Variants in MITF observed in about 807,000 individuals in gnomAD.
MITF encodes the protein melanocyte inducing transcription factor.
MITF carries 17 observed loss-of-function variants against 60.5 expected under a neutral mutation model. The ratio of observed to expected loss-of-function variants is 0.28; its 90% CI spans 0.19 to 0.42. The LOEUF is 0.42. Ranked by LOEUF, MITF falls within the 10% of genes least tolerant of loss-of-function variation. MITF has a pLI of 1.00. For synonymous variants in MITF, 260 were observed against 248.5 expected (o/e 1.05, Z -0.43); for missense variants, 622 against 683.5 (o/e 0.91, Z 1.00).
At chr3:69,963,970 CTTTTTTTTTT>C (rs56921812) in intron 9 of MITF, among the ~76,000 whole-genome samples, 1 of 86,112 alleles carries the variant, frequency 1.2e-5, no homozygotes, top group South Asian at 4.4e-4. Flanking sequence ...TTTTTCTTTT[CTTTTTTTTTT>C]TTTTTTTTTT....
In MITF at chr3:69,831,506, A is replaced by T. The variant is rs137882207; in HGVS notation, c.105-47628A>T. ...TTTTGCAATTTTTTTGTTTGACTAG[A>T]TAGCAGTAGGTAACTAATCTGGGTC... On this transcript the variant is annotated intron_variant, in intron 1 of 9. Coordinates refer to ENST00000352241, the MANE Select transcript of MITF (RefSeq NM_001354604.2). Among the ~76,000 whole-genome samples, 490 of 152,298 alleles carry T rather than the reference A, an allele frequency of 3.2e-3. 1 individual carries two copies. The highest frequency in any genetic ancestry group is 0.011 in the African/African-American group (450 of 41,564).
At chr3:69,934,283 C>T (rs1380986838) in intron 2 of MITF, among the ~76,000 whole-genome samples, 7 of 152,118 alleles carry the variant, frequency 4.6e-5, no homozygotes, top group Non-Finnish European at 7.4e-5. Context: ...TAGAGTTTTC[C>T]GAAGGCTACA....
intron 2 of MITF, among the ~76,000 whole-genome samples, chr3:69,905,598 C>A (rs1309111850): frequency 2.0e-5 from 3 of 152,096 alleles, no homozygotes; most frequent in Non-Finnish European, 4.4e-5. Flanking sequence ...ATATTCTCAC[C>A]AGCAATGTAT....
At position 69,741,716 on chromosome 3, in the gene MITF, A is replaced by G. The variant is rs903227815; in HGVS notation, c.104+2015A>G. 6.6e-5 allele frequency among the ~76,000 whole-genome samples: 10 copies of G among 152,348 alleles called. No homozygotes were observed. In the East Asian group the frequency reaches 1.7e-3, roughly 26 times the overall value. On this transcript the variant is annotated intron_variant, in intron 1 of 9. Coordinates refer to ENST00000352241, the MANE Select transcript of MITF (RefSeq NM_001354604.2). ...TAAAACTTGTATATGGAGCACACAC[A>G]TGCTCTTTGAAATAAACCAGTTAAA...
At chr3:69,750,337 A>T (rs535933428) in intron 1 of MITF, among the ~76,000 whole-genome samples, 2 of 150,838 alleles carry the variant, frequency 1.3e-5, no homozygotes, top group Admixed American at 1.3e-4. Context: ...CACAACAGTA[A>T]TATAGATCTG....
intron 2 of MITF, among the ~76,000 whole-genome samples, chr3:69,922,833 CAAAG>C (rs1028293440): frequency 2.0e-5 from 3 of 151,892 alleles, no homozygotes; most frequent in Admixed American, 6.6e-5. Flanking sequence ...ATCCTTCTCA[CAAAG>C]AAAGAAAGAA....
At chr3:69,804,984 G>A (rs1269803964) in intron 1 of MITF, among the ~76,000 whole-genome samples, 1 of 152,212 alleles carries the variant, frequency 6.6e-6, no homozygotes, top group African/African-American at 2.4e-5. Flanking sequence ...TCTGAATCTA[G>A]TTTTTAAATA....
At chr3:69,826,206 C>A (rs538996390) in intron 1 of MITF, among the ~76,000 whole-genome samples, 1 of 152,314 alleles carries the variant, frequency 6.6e-6, no homozygotes, top group South Asian at 2.1e-4. Context: ...CTTTTATTCA[C>A]TACCCCTCCC....
chr3:69,849,810 A>T (rs2063795083), intron 1 of MITF, among the ~76,000 whole-genome samples: 1 of 152,100 alleles, frequency 6.6e-6, no homozygotes, highest in South Asian at 2.1e-4. Flanking sequence ...GTACCTCACC[A>T]TTGAAGGTCC....
chr3:69,751,355 C>G (rs1703927288), intron 1 of MITF, among the ~76,000 whole-genome samples: 1 of 152,106 alleles, frequency 6.6e-6, no homozygotes, highest in African/African-American at 2.4e-5. Flanking sequence ...ATGAGGATGT[C>G]CTGACATAAT....
intron 1 of MITF, among the ~76,000 whole-genome samples, chr3:69,840,658 G>C (rs1040456534): frequency 6.6e-6 from 1 of 152,014 alleles, no homozygotes; most frequent in Non-Finnish European, 1.5e-5. Context: ...GAATTATCCA[G>C]CCTCTTTGGA....
intron 2 of MITF, among the ~76,000 whole-genome samples, chr3:69,904,900 G>A (rs907588493): frequency 1.3e-5 from 2 of 152,136 alleles, no homozygotes; most frequent in African/African-American, 2.4e-5. Flanking sequence ...GATGCATATT[G>A]TTGGAGATGT....
rs1042264187 is a variant in MITF, at chr3:69,936,668, G to T, written c.355-1154G>T. ...CTTCAAATTGGAATTATAGAAAGTA[G>T]AGGGAGGGATAGTCTACCGTCTCTC... On this transcript the variant is annotated intron_variant, in intron 2 of 9. Transcript: ENST00000352241. The T allele has an allele frequency of 2.5e-6, 4 of 1,611,280 alleles. No homozygotes were observed. The South Asian group carries it at 4.4e-5, about 18-fold the overall frequency.
At chr3:69,763,683 G>A (rs1163392524) in intron 1 of MITF, 1 of 1,284,178 alleles carries the variant, frequency 7.8e-7, no homozygotes, top group East Asian at 3.7e-5. Context: ...AAAGGGCCAA[G>A]GCAGCCCTGG....
chr3:69,896,944 A>G (rs2064889137), intron 2 of MITF, among the ~76,000 whole-genome samples: 1 of 152,236 alleles, frequency 6.6e-6, no homozygotes, highest in Non-Finnish European at 1.5e-5. Flanking sequence ...TTGAATAACA[A>G]GTAGGGTTAT....
intron 1 of MITF, among the ~76,000 whole-genome samples, chr3:69,811,001 G>A (rs188440486): frequency 1.3e-5 from 2 of 152,294 alleles, no homozygotes; most frequent in Admixed American, 6.5e-5. Flanking sequence ...AATTAGAGAT[G>A]TTGAAGAAGT....
At chr3:69,739,936 A>C (rs921606024) in intron 1 of MITF, among the ~76,000 whole-genome samples, 2 of 152,006 alleles carry the variant, frequency 1.3e-5, no homozygotes, top group African/African-American at 4.8e-5. Context: ...GTCGCCGGGG[A>C]CGAAGCGTCC....
chr3:69,868,998 T>C (rs1170953908), intron 1 of MITF, among the ~76,000 whole-genome samples: 1 of 151,904 alleles, frequency 6.6e-6, no homozygotes, highest in African/African-American at 2.4e-5. Context: ...AATCTTAACA[T>C]GTGGAGGGAA....
chr3:69,843,908 G>T (rs559328730), intron 1 of MITF, among the ~76,000 whole-genome samples: 1 of 151,996 alleles, frequency 6.6e-6, no homozygotes, highest in Non-Finnish European at 1.5e-5. Context: ...CCCGCCCCAC[G>T]ATAGACCCCG....
Sources: allele counts gnomAD v4.1 joint callset (sites outside exome capture counted in the v4.1 genomes callset), GRCh38; gene constraint gnomAD v4.1.1; transcripts MANE v1.5; gene names NCBI Gene and HGNC (gene_info 2026-07-23, HGNC 2026-07-21).